Variants in LRIG1 observed in about 807,000 individuals in gnomAD.
LRIG1 encodes the protein leucine rich repeats and immunoglobulin like domains 1.
A neutral mutation model predicts 99.2 loss-of-function variants in LRIG1; 48 were observed. The ratio of observed to expected loss-of-function variants is 0.48; its 90% CI spans 0.38 to 0.62. The LOEUF is 0.62. LRIG1 is among the 20% of genes least tolerant of loss of function. The probability of loss-of-function intolerance (pLI) is 0.00; values close to 1 mark genes in which losing one functional copy is unlikely to be tolerated. For synonymous variants in LRIG1, 772 were observed against 596.1 expected (o/e 1.29, Z -4.30); for missense variants, 1,646 against 1,434.4 (o/e 1.15, Z -2.38).
At chr3:66,486,135 C>T (rs1700968995) in intron 1 of LRIG1, among the ~76,000 whole-genome samples, 1 of 152,138 alleles carries the variant, frequency 6.6e-6, no homozygotes, top group Non-Finnish European at 1.5e-5. Flanking sequence ...ACAGATATAT[C>T]CTGCTGCAGA....
chr3:66,488,380 TG>T (rs2106915865), intron 1 of LRIG1, among the ~76,000 whole-genome samples: 1 of 151,634 alleles, frequency 6.6e-6, no homozygotes, highest in East Asian at 1.9e-4. Context: ...CCTAGCACTT[TG>T]GGACGCTGAG....
intron 15 of LRIG1, 118 bp downstream of exon 15, chr3:66,382,864 C>A (rs1240143081): frequency 6.8e-6 from 6 of 883,970 alleles, no homozygotes; most frequent in Non-Finnish European, 1.0e-5. Context: ...GGGACTAAAC[C>A]CTCAGGAGTT....
At chr3:66,396,505 G>C (rs957095269) in intron 11 of LRIG1, among the ~76,000 whole-genome samples, 2 of 152,210 alleles carry the variant, frequency 1.3e-5, no homozygotes, top group Non-Finnish European at 2.9e-5. Flanking sequence ...AGACGACCAA[G>C]TGGAATTAAC....
rs552873722 is a variant in LRIG1 at position 66,394,371 on chromosome 3, TGC to T, written c.1305-170_1305-169del. On this transcript the variant is annotated intron_variant, in intron 11 of 18. Transcript: ENST00000273261. The stretch of plus-strand genomic sequence containing the variant: ...CTTCCTCTCCAATTTCCCAGGGCAG[TGC>T]ATATAACCCACCTGGAGATTTTGAA... Among the ~76,000 whole-genome samples, 324 of 152,324 alleles carry T rather than the reference TGC, an allele frequency of 2.1e-3. 2 individuals are homozygous for T. The highest frequency in any genetic ancestry group is 7.5e-3 in the African/African-American group (312 of 41,574).
At chr3:66,481,203 T>C (rs1200274736) in intron 1 of LRIG1, among the ~76,000 whole-genome samples, 1 of 152,200 alleles carries the variant, frequency 6.6e-6, no homozygotes, top group African/African-American at 2.4e-5. Context: ...CAAAGTCTAA[T>C]GGGGCCAGGA....
chr3:66,435,605 G>C (rs1703329085), intron 3 of LRIG1, among the ~76,000 whole-genome samples: 1 of 152,012 alleles, frequency 6.6e-6, no homozygotes, highest in Non-Finnish European at 1.5e-5. Context: ...ACAACCAAGG[G>C]TGTGAGGGCA....
intron 16 of LRIG1, 77 bp from the exon 17 acceptor site, chr3:66,381,708 G>C (rs1701077239): frequency 1.3e-5 from 19 of 1,509,180 alleles, no homozygotes; most frequent in South Asian, 2.4e-5. Flanking sequence ...GAATGAGCAA[G>C]GCCGCTAGAA....
chr3:66,405,183 GC>G lies in LRIG1; in HGVS notation c.1160+14del, dbSNP rs1702220653. 3 of 1,612,434 alleles carry G rather than the reference GC, an allele frequency of 1.9e-6. No homozygotes were observed. The highest frequency in any genetic ancestry group is 2.5e-6 in the Non-Finnish European group (3 of 1,178,736). On this transcript the variant is annotated intron_variant, in intron 9 of 18. Coordinates refer to ENST00000273261, the MANE Select transcript of LRIG1 (RefSeq NM_015541.3). ...CGCGCATTTGCCGGCGGAGCTCCGT[GC>G]GGCGGATACTCACAGCTTGCTGAGG...
At position 66,445,898 on chromosome 3, in the gene LRIG1, C is replaced by T. The variant is rs549209582; in HGVS notation, c.365+5661G>A. Reference sequence around the variant, plus strand: ...CCTGTGCTTCAAGCCTGATTATTAACAACCTTAGCTCAGATCATGAGGCCG... The same window carrying T: ...CCTGTGCTTCAAGCCTGATTATTAATAACCTTAGCTCAGATCATGAGGCCG... On this transcript the variant is annotated intron_variant, in intron 3 of 18. Coordinates refer to ENST00000273261, the MANE Select transcript of LRIG1 (RefSeq NM_015541.3). Among the ~76,000 whole-genome samples, 22 of 152,284 alleles carry T rather than the reference C, an allele frequency of 1.4e-4. No homozygotes were observed. The South Asian group carries it at 3.7e-3, about 26-fold the overall frequency.
At chr3:66,476,169 T>A (rs1210753660) in intron 1 of LRIG1, among the ~76,000 whole-genome samples, 2 of 152,166 alleles carry the variant, frequency 1.3e-5, no homozygotes, top group African/African-American at 4.8e-5. Context: ...AAGCATGTTT[T>A]CCTCACTCGA....
intron 5 of LRIG1, 76 bp from the exon 6 acceptor site, chr3:66,413,090 G>T: frequency 6.4e-7 from 1 of 1,552,278 alleles, no homozygotes; most frequent in Non-Finnish European, 8.9e-7. Flanking sequence ...AGCAGTCCTG[G>T]CTAAGTTTCC....
chr3:66,443,726 C>G (rs1174223345), intron 3 of LRIG1, among the ~76,000 whole-genome samples: 1 of 152,198 alleles, frequency 6.6e-6, no homozygotes, highest in East Asian at 1.9e-4. Context: ...AGGACCCGAT[C>G]TGTTTGCTCA....
At chr3:66,411,448 C>T (rs1702459124) in intron 6 of LRIG1, among the ~76,000 whole-genome samples, 2 of 152,182 alleles carry the variant, frequency 1.3e-5, no homozygotes, top group African/African-American at 4.8e-5. Flanking sequence ...TAACTTCAGT[C>T]CACCCAGCAC....
rs1219302734 is a variant in LRIG1, at chr3:66,393,963, T to C, written c.1468+77A>G. On this transcript the variant is annotated intron_variant, in intron 12 of 18. Transcript: ENST00000273261. ...TGGGGTTTACTCTGATCACAGGAAT[T>C]ACTCCCATAATGAAGAGTACCTCCT... 27 of 1,473,328 alleles carry C rather than the reference T, an allele frequency of 1.8e-5. 1 individual carries two copies. In the South Asian group the frequency reaches 3.1e-4, roughly 17 times the overall value. The allele number at this position is 1,473,328 out of a possible 1,614,324, so 91.3% of individuals were successfully genotyped here. A position where few individuals can be genotyped will look rare whatever the true frequency, so the allele number is the denominator to read the frequency against.
In LRIG1 at chr3:66,500,638, C is replaced by G. The variant is rs1701337895; in HGVS notation, c.-231G>C. 1 of 313,572 alleles carries G rather than the reference C, an allele frequency of 3.2e-6. No individual in the cohort carries two copies. Among genetic ancestry groups the G allele is most frequent in the African/African-American group, 2.2e-5 (1 of 45,416 alleles). 19.4% of individuals were successfully genotyped at this position (313,572 alleles called of 1,614,324 possible). A position where few individuals can be genotyped will look rare whatever the true frequency, so the allele number is the denominator to read the frequency against. ...CCGCAAACCCCGCGCCCATCCGGGC[C>G]GGCCGGCCCGCCCGCGCTAGCTGCG... On this transcript the variant is annotated 5_prime_UTR_variant, in exon 1 of 19. Transcript: ENST00000273261.
chr3:66,401,802 G>C, intron 9 of LRIG1: 2 of 547,290 alleles, frequency 3.7e-6, no homozygotes. Flanking sequence ...ACCTGGAACA[G>C]AAAGCGACCT....
Position 66,417,796 on chromosome 3 carries a change from G to GA in LRIG1, c.366-531dup, listed in dbSNP as rs56184898. ...CAGAGGATTTAAACAAAAAGAAAAAGAAAAAAAAAAAAAGATTACGACAAA... is the reference window on the plus strand; with the variant it reads ...CAGAGGATTTAAACAAAAAGAAAAAGAAAAAAAAAAAAAAGATTACGACAAA... On this transcript the variant is annotated intron_variant, in intron 3 of 18. Transcript: ENST00000273261. Among the ~76,000 whole-genome samples the GA allele has an allele frequency of 1.6e-3, 216 of 134,390 alleles. 1 individual carries two copies. The highest frequency in any genetic ancestry group is 3.8e-3 in the Admixed American group (52 of 13,774). The allele number at this position is 134,390 out of a possible 152,430, so 88.2% of individuals were successfully genotyped here.
rs375158997 is a variant in LRIG1 at position 66,429,651 on chromosome 3, T to A, written c.366-12385A>T. ...ACACTGTAATGGTGGGCACATGTGATTATACATTTGTCAGAACCAAGACTG... is the reference window on the plus strand; with the variant it reads ...ACACTGTAATGGTGGGCACATGTGAATATACATTTGTCAGAACCAAGACTG... On this transcript the variant is annotated intron_variant, in intron 3 of 18. Transcript: ENST00000273261. Among the ~76,000 whole-genome samples the A allele has an allele frequency of 1.7e-3, 266 of 152,302 alleles. 8 individuals carry two copies. In the South Asian group the frequency reaches 0.051, roughly 29 times the overall value.
intron 1 of LRIG1, among the ~76,000 whole-genome samples, chr3:66,476,864 T>A (rs941965633): frequency 9.2e-5 from 14 of 152,210 alleles, no homozygotes; most frequent in African/African-American, 3.4e-4. Context: ...TGCAGCCCGG[T>A]AGGGATCATC....
Sources: gnomAD v4.1 joint callset for allele counts (sites outside exome capture counted in the v4.1 genomes callset) on GRCh38, gnomAD v4.1.1 for gene constraint, MANE v1.5 for transcripts, NCBI Gene and HGNC (gene_info 2026-07-23, HGNC 2026-07-21) for gene names.